Variants in RHBDD1 observed in about 807,000 individuals in gnomAD.
RHBDD1 encodes the protein rhomboid-related protein 4.
In RHBDD1, 38 loss-of-function variants were observed where a neutral mutation model predicts 36.3. The observed-to-expected ratio is 1.05, with a 90% CI of 0.81 to 1.37. RHBDD1 has a LOEUF of 1.37. RHBDD1 is among the 40% of genes most tolerant of loss of function. The pLI, the probability that RHBDD1 is intolerant of heterozygous loss-of-function variation, is 0.00. For synonymous variants in RHBDD1, 151 were observed against 136.5 expected (o/e 1.11, Z -0.74); for missense variants, 393 against 377.6 (o/e 1.04, Z -0.34).
At chr2:226,994,575 G>C (rs1041784123) in intron 8 of RHBDD1, among the ~76,000 whole-genome samples, 8 of 152,108 alleles carry the variant, frequency 5.3e-5, no homozygotes, top group Non-Finnish European at 1.2e-4. Flanking sequence ...CAGCCTTTTT[G>C]GTCCCCATGC....
chr2:226,835,882 C>T (rs1040126196), upstream of RHBDD1: 2 of 152,470 alleles, frequency 1.3e-5, no homozygotes, highest in Non-Finnish European at 2.9e-5. Context: ...CTCGCGGCCC[C>T]CTTAGAGCCA....
intron 8 of RHBDD1, among the ~76,000 whole-genome samples, chr2:226,949,812 A>G (rs1353603353): frequency 6.6e-6 from 1 of 152,008 alleles, no homozygotes; most frequent in Non-Finnish European, 1.5e-5. Flanking sequence ...GTGTCCTCCC[A>G]TGCTCTTTCC....
chr2:226,958,590 C>G (rs912198560), intron 8 of RHBDD1, among the ~76,000 whole-genome samples: 4 of 151,740 alleles, frequency 2.6e-5, no homozygotes, highest in Admixed American at 2.0e-4. Flanking sequence ...CTCAATGAAG[C>G]AATTATTTTT....
chr2:226,981,435 C>CAAA (rs201620422), intron 8 of RHBDD1, among the ~76,000 whole-genome samples: 1 of 137,082 alleles, frequency 7.3e-6, no homozygotes. Flanking sequence ...CATTGAACTT[C>CAAA]AAAAAAAAAA....
chr2:226,968,527 C>G (rs773524481), intron 8 of RHBDD1, among the ~76,000 whole-genome samples: 28 of 152,322 alleles, frequency 1.8e-4, no homozygotes, highest in Admixed American at 5.9e-4. Context: ...GGACTTTAAT[C>G]ACATCTACCA....
intron 3 of RHBDD1, among the ~76,000 whole-genome samples, chr2:226,853,793 G>A (rs1295980974): frequency 2.0e-5 from 3 of 152,226 alleles, no homozygotes; most frequent in African/African-American, 4.8e-5. Context: ...TATTAAGCAC[G>A]TTGGACAGAG....
At chr2:226,823,488 A>G in the RHBDD1 span, among the ~76,000 whole-genome samples, 1 of 152,326 alleles carries the variant, frequency 6.6e-6, no homozygotes, top group South Asian at 2.1e-4. Context: ...CCAACTTAAA[A>G]TGGATAAAAT....
At chr2:226,837,891 G>A (rs1402878696) in intron 1 of RHBDD1, 182 bp from the exon 2 acceptor site, 1 of 152,194 alleles carries the variant, frequency 6.6e-6, no homozygotes, top group Non-Finnish European at 1.5e-5. Context: ...ACTTGCAAGC[G>A]AAAGCCAAGG....
intron 8 of RHBDD1, among the ~76,000 whole-genome samples, chr2:226,931,769 C>G (rs1012655945): frequency 1.3e-5 from 2 of 151,928 alleles, no homozygotes; most frequent in African/African-American, 2.4e-5. Flanking sequence ...ATCCTGGAAT[C>G]AGATAGCATG....
intron 8 of RHBDD1, among the ~76,000 whole-genome samples, chr2:226,949,142 A>C (rs1951235001): frequency 1.3e-5 from 2 of 152,230 alleles, no homozygotes; most frequent in South Asian, 4.1e-4. Context: ...AAACAAATGG[A>C]AAAACATTCC....
chr2:226,855,277 G>C (rs1339654517), intron 3 of RHBDD1, among the ~76,000 whole-genome samples: 1 of 152,248 alleles, frequency 6.6e-6, no homozygotes, highest in African/African-American at 2.4e-5. Flanking sequence ...GGAGGCCAAA[G>C]TGGGAGGATT....
chr2:226,891,890 T>A (rs1236617695), intron 5 of RHBDD1, among the ~76,000 whole-genome samples: 1 of 152,202 alleles, frequency 6.6e-6, no homozygotes, highest in Non-Finnish European at 1.5e-5. Context: ...CTGTCATCAC[T>A]AGACTTTGTA....
chr2:226,827,100 G>A, the RHBDD1 span, among the ~76,000 whole-genome samples: 5 of 152,064 alleles, frequency 3.3e-5, no homozygotes, highest in Non-Finnish European at 7.4e-5. Context: ...TGGGACCACA[G>A]GTGCATACCA....
the RHBDD1 span, among the ~76,000 whole-genome samples, chr2:226,802,033 CA>C: frequency 2.2e-3 from 334 of 151,714 alleles, no homozygotes; most frequent in African/African-American, 7.6e-3. Flanking sequence ...CCCCACCCCC[CA>C]AAAAAAGCTA....
intron 3 of RHBDD1, among the ~76,000 whole-genome samples, chr2:226,844,599 G>A (rs1470644398): frequency 6.6e-6 from 1 of 152,078 alleles, no homozygotes; most frequent in Non-Finnish European, 1.5e-5. Flanking sequence ...TTGACTTTAG[G>A]TAGACAAAGA....
At chr2:226,938,232 G>A (rs1015367610) in intron 8 of RHBDD1, among the ~76,000 whole-genome samples, 2 of 152,042 alleles carry the variant, frequency 1.3e-5, no homozygotes, top group Admixed American at 1.3e-4. Context: ...CCACATGTAT[G>A]TCTTCTTTCG....
chr2:226,903,451 G>GAGAAA (rs765545303), intron 5 of RHBDD1, among the ~76,000 whole-genome samples: 25 of 152,098 alleles, frequency 1.6e-4, no homozygotes, highest in African/African-American at 6.0e-4. Context: ...ATTATGAGAT[G>GAGAAA]AGAAAAGCAT....
At position 226,995,844 on chromosome 2, in the gene RHBDD1, C is replaced by T. The variant is rs1237348708; in HGVS notation, c.*322C>T. 1 of 299,892 alleles carries T rather than the reference C, an allele frequency of 3.3e-6. No homozygotes were observed. Among genetic ancestry groups the T allele is most frequent in the East Asian group, 7.0e-5 (1 of 14,220 alleles). The allele number at this position is 299,892 out of a possible 1,614,324, so 18.6% of individuals were successfully genotyped here. A position where few individuals can be genotyped will look rare whatever the true frequency, so the allele number is the denominator to read the frequency against. On this transcript the variant is annotated 3_prime_UTR_variant, in exon 9 of 9. Coordinates refer to ENST00000392062, the MANE Select transcript of RHBDD1 (RefSeq NM_001167608.3). ...GTCTGCTTTTGAAGACTGTGACCTT[C>T]ACCAGGAGGTTTTACTTACACCAGT... is the stretch of plus-strand genomic sequence containing the variant.
At chr2:226,944,328 T>TGAGGCTCTGTGCCCCTAGAGGA (rs1950837006) in intron 8 of RHBDD1, among the ~76,000 whole-genome samples, 1 of 152,222 alleles carries the variant, frequency 6.6e-6, no homozygotes, top group Non-Finnish European at 1.5e-5. Context: ...TGCTTGAACC[T>TGAGGCTCTGTGCCCCTAGAGGA]GAGGCTCTGT....
Sources: allele counts gnomAD v4.1 joint callset (sites outside exome capture counted in the v4.1 genomes callset), GRCh38; gene constraint gnomAD v4.1.1; transcripts MANE v1.5; gene names NCBI Gene and HGNC (gene_info 2026-07-23, HGNC 2026-07-21).